Variants in PDZD2 observed in about 807,000 individuals in gnomAD.
The protein encoded by PDZD2 is PDZ domain-containing protein 2.
In PDZD2, 90 loss-of-function variants were observed where a neutral mutation model predicts 220.7. The ratio of observed to expected loss-of-function variants is 0.41; its 90% CI spans 0.34 to 0.49. PDZD2 has a LOEUF of 0.49. Ranked by LOEUF, PDZD2 falls within the 20% of genes least tolerant of loss-of-function variation. The pLI is 0.28. For missense variants in PDZD2, 3,174 were observed against 3,608.5 expected (o/e 0.88, Z 3.08); for synonymous variants, 1,375 against 1,450.5 (o/e 0.95, Z 1.18).
intron 1 of PDZD2, among the ~76,000 whole-genome samples, chr5:31,767,718 G>A (rs1370394657): frequency 1.3e-5 from 2 of 152,200 alleles, no homozygotes; most frequent in East Asian, 3.9e-4. Flanking sequence ...GGGGCCTGCA[G>A]ACTTGAAGCA....
At chr5:31,785,865 C>T (rs1172958311) in intron 1 of PDZD2, among the ~76,000 whole-genome samples, 1 of 152,100 alleles carries the variant, frequency 6.6e-6, no homozygotes, top group African/African-American at 2.4e-5. Context: ...TAGTTCCTCT[C>T]CATTTATGCT....
intron 2 of PDZD2, among the ~76,000 whole-genome samples, chr5:31,967,148 C>T (rs576185888): frequency 1.4e-4 from 21 of 152,248 alleles, no homozygotes; most frequent in African/African-American, 4.6e-4. Flanking sequence ...GGGAATGGAG[C>T]GGACGCTGGG....
chr5:31,717,742 T>C (rs1014376884), intron 1 of PDZD2, among the ~76,000 whole-genome samples: 1 of 152,196 alleles, frequency 6.6e-6, no homozygotes, highest in Non-Finnish European at 1.5e-5. Context: ...GCCTGAGCAC[T>C]AACTCAGAGC....
At chr5:31,775,751 C>T (rs935765718) in intron 1 of PDZD2, among the ~76,000 whole-genome samples, 4 of 151,118 alleles carry the variant, frequency 2.6e-5, no homozygotes, top group East Asian at 1.9e-4. Context: ...GGCCTTCCAA[C>T]GCTGGTGGAC....
At chr5:31,935,813 T>G (rs6450882) in intron 2 of PDZD2, among the ~76,000 whole-genome samples, 1 of 152,126 alleles carries the variant, frequency 6.6e-6, no homozygotes, top group Non-Finnish European at 1.5e-5. Flanking sequence ...TCTTCAGTCC[T>G]CCTCCCTGGC....
chr5:31,885,720 A>C (rs1488015620), intron 2 of PDZD2, among the ~76,000 whole-genome samples: 1 of 152,198 alleles, frequency 6.6e-6, no homozygotes, highest in African/African-American at 2.4e-5. Context: ...TAAGTACACT[A>C]TGTAGCCATT....
chr5:31,701,341 C>G (rs1371313275), intron 1 of PDZD2, among the ~76,000 whole-genome samples: 1 of 152,076 alleles, frequency 6.6e-6, no homozygotes, highest in Non-Finnish European at 1.5e-5. Context: ...GGCTTCCATG[C>G]GTGTGCCACC....
chr5:31,749,839 T>TC lies in PDZD2; in HGVS notation c.-360-49045dup, dbSNP rs1750834487. Among the ~76,000 whole-genome samples, 4 of 152,140 alleles carry TC rather than the reference T, an allele frequency of 2.6e-5. No individual in the cohort carries two copies. In the South Asian group the frequency reaches 8.3e-4, roughly 32 times the overall value. ...TTTCCCATCCCACAGGACCACTCCT[T>TC]CCCCCAGGTGAGCCGCGCGTGGCTT... On this transcript the variant is annotated intron_variant, in intron 1 of 24. Coordinates refer to ENST00000438447, the MANE Select transcript of PDZD2 (RefSeq NM_178140.4).
In PDZD2 at chr5:32,006,907, C is replaced by CTTTTT. The variant is rs1173189592; in HGVS notation, c.1255-3401_1255-3397dup. On this transcript the variant is annotated intron_variant, in intron 5 of 24. Coordinates refer to ENST00000438447, the MANE Select transcript of PDZD2 (RefSeq NM_178140.4). ...ATTTCACTATGTTAGCCATGCTGGT[C>CTTTTT]TTTTTTTTTTTTTTTTTTTTTTTTT... is the stretch of plus-strand genomic sequence containing the variant. 2.1e-4 allele frequency among the ~76,000 whole-genome samples: 10 copies of CTTTTT among 47,846 alleles called. 2 individuals are homozygous for CTTTTT. Among genetic ancestry groups the CTTTTT allele is most frequent in the African/African-American group, 4.0e-4 (4 of 9,922 alleles). The allele number at this position is 47,846 out of a possible 152,430, so 31.4% of individuals were successfully genotyped here. A position where few individuals can be genotyped will look rare whatever the true frequency, so the allele number is the denominator to read the frequency against.
chr5:31,900,264 G>A (rs1187240977), intron 2 of PDZD2, among the ~76,000 whole-genome samples: 2 of 152,194 alleles, frequency 1.3e-5, no homozygotes, highest in Non-Finnish European at 2.9e-5. Flanking sequence ...TCCTGGGGTT[G>A]TGTCAGGCAG....
rs1227357865 is a variant in PDZD2 at position 31,983,556 on chromosome 5, G to T, written c.878G>T (p.Arg293Ile). ...GAAGTGGACAGAGGGACAGAGCATA[G>T]AATTCCAAAGACAGATGCTCCTCTG... ...RSEVDRGTEH[R>I]IPKTDAPLTT... Residue 293 changes from arginine to isoleucine, a missense_variant, in exon 3 of 25, where the codon AGA becomes ATA. By Grantham distance (97) the Arg-to-Ile change is moderately conservative. Transcript: ENST00000438447. 18 of 1,614,048 alleles carry T rather than the reference G, an allele frequency of 1.1e-5. No individual in the cohort carries two copies. The highest frequency in any genetic ancestry group is 1.4e-5 in the Non-Finnish European group (17 of 1,180,022).
rs1166121811 is a variant in PDZD2, at chr5:32,091,121, G to T, written c.7673G>T (p.Ser2558Ile). ...GCTGCTGAGACACCCAGTTCAGCCA[G>T]TGATACGGGTGAAGCTGCCCAGGAT... ...TSAAETPSSA[S>I]DTGEAAQDLP... The change falls in exon 20 of 25, where the codon AGT becomes ATT. Residue 2558 changes from serine (S) to isoleucine (I), a missense_variant. This residue lies in a region of PDZD2 where 631 missense variants were observed against 789.9 expected (regional missense o/e 0.80). Transcript: ENST00000438447. 1 of 1,596,902 alleles carries T rather than the reference G, an allele frequency of 6.3e-7. No homozygotes were observed. The highest frequency in any genetic ancestry group is 8.6e-7 in the Non-Finnish European group (1 of 1,165,858).
chr5:31,737,463 C>T (rs540162399), intron 1 of PDZD2, among the ~76,000 whole-genome samples: 32 of 152,134 alleles, frequency 2.1e-4, no homozygotes, highest in African/African-American at 4.1e-4. Context: ...TGAGCTACCG[C>T]GCCCGGCCAG....
intron 19 of PDZD2, among the ~76,000 whole-genome samples, chr5:32,085,163 C>T (rs539302240): frequency 2.0e-4 from 31 of 151,462 alleles, no homozygotes; most frequent in Non-Finnish European, 4.3e-4. Context: ...CCATGTTGGC[C>T]AAGCTGGTCT....
chr5:31,667,855 C>CTTTTTTTTTTT (rs561833214), intron 1 of PDZD2, among the ~76,000 whole-genome samples: 6 of 77,964 alleles, frequency 7.7e-5, no homozygotes, highest in East Asian at 4.6e-4. Context: ...TTTTTTTTTC[C>CTTTTTTTTTTT]TTTTTTTTTT....
At chr5:31,899,505 GCA>G (rs1263914067) in intron 2 of PDZD2, among the ~76,000 whole-genome samples, 3 of 152,188 alleles carry the variant, frequency 2.0e-5, no homozygotes, top group East Asian at 3.8e-4. Flanking sequence ...CCTGCTGACA[GCA>G]CAGTCTCAGT....
chr5:31,703,531 G>T (rs1222727749), intron 1 of PDZD2, among the ~76,000 whole-genome samples: 1 of 152,080 alleles, frequency 6.6e-6, no homozygotes, highest in African/African-American at 2.4e-5. Flanking sequence ...ACGCATGCGG[G>T]GCTTAAACCT....
chr5:32,030,026 G>A (rs184399946), intron 6 of PDZD2, among the ~76,000 whole-genome samples: 1 of 152,364 alleles, frequency 6.6e-6, no homozygotes, highest in East Asian at 1.9e-4. Context: ...TACTTCAAGT[G>A]CTTTCTGTGT....
At chr5:32,028,458 T>G (rs1754847891) in intron 6 of PDZD2, among the ~76,000 whole-genome samples, 1 of 152,168 alleles carries the variant, frequency 6.6e-6, no homozygotes, top group Non-Finnish European at 1.5e-5. Context: ...TAGTGCAACT[T>G]TTCAGAGGTT....
Sources: gnomAD v4.1 joint callset for allele counts (sites outside exome capture counted in the v4.1 genomes callset) on GRCh38, gnomAD v4.1.1 for gene constraint, gnomAD v4.1.1 regional missense constraint, MANE v1.5 for transcripts, NCBI Gene and HGNC (gene_info 2026-07-23, HGNC 2026-07-21) for gene names.